Variants in AFF3 observed in about 807,000 individuals in gnomAD.
AFF3 encodes the protein ALF transcription elongation factor 3.
In AFF3, 32 loss-of-function variants were observed where a neutral mutation model predicts 129.7. The observed-to-expected ratio is 0.25, with a 90% CI of 0.19 to 0.33. AFF3 has a LOEUF of 0.33. Among genes scored for constraint, AFF3 ranks in the 10% least tolerant of loss-of-function variants. The pLI, the probability that AFF3 is intolerant of heterozygous loss-of-function variation, is 1.00. For missense variants in AFF3, 1,373 were observed against 1,592.0 expected (o/e 0.86, Z 2.34); for synonymous variants, 644 against 635.4 (o/e 1.01, Z -0.20).
At chr2:99,613,524 CT>C (rs1159821244) in intron 13 of AFF3, among the ~76,000 whole-genome samples, 1 of 151,970 alleles carries the variant, frequency 6.6e-6, no homozygotes, top group Non-Finnish European at 1.5e-5. Flanking sequence ...ATATAATGTT[CT>C]CTTATAATAA....
chr2:99,632,511 C>T (rs544187797), intron 13 of AFF3, among the ~76,000 whole-genome samples: 55 of 152,242 alleles, frequency 3.6e-4, no homozygotes, highest in African/African-American at 1.3e-3. Context: ...CCGTCCAGGG[C>T]ATCACACGGG....
chr2:100,050,699 T>C (rs1686246405), intron 4 of AFF3, among the ~76,000 whole-genome samples: 1 of 152,220 alleles, frequency 6.6e-6, no homozygotes, highest in African/African-American at 2.4e-5. Context: ...TAGGATTTTG[T>C]CTGACCGAGA....
chr2:99,731,178 G>A (rs1679800013), intron 10 of AFF3, among the ~76,000 whole-genome samples: 1 of 152,076 alleles, frequency 6.6e-6, no homozygotes, highest in East Asian at 1.9e-4. Flanking sequence ...GGCTGCTCTC[G>A]AAATCCTGGC....
At chr2:100,028,395 C>G (rs1684222251) in intron 4 of AFF3, among the ~76,000 whole-genome samples, 2 of 152,006 alleles carry the variant, frequency 1.3e-5, no homozygotes, top group South Asian at 4.1e-4. Flanking sequence ...TAGAAGAAAC[C>G]TAACATGTAA....
chr2:99,761,224 CTT>C (rs1045425490), intron 8 of AFF3, among the ~76,000 whole-genome samples: 43 of 149,660 alleles, frequency 2.9e-4, no homozygotes, highest in African/African-American at 1.0e-3. Context: ...TGCCAAGACT[CTT>C]TATATTAAAT....
At chr2:99,874,907 T>C (rs906676772) in intron 7 of AFF3, among the ~76,000 whole-genome samples, 1 of 152,094 alleles carries the variant, frequency 6.6e-6, no homozygotes, top group Non-Finnish European at 1.5e-5. Context: ...AAAAAAACAT[T>C]AGAGTGAGAC....
chr2:99,621,665 T>C (rs1010986952), intron 13 of AFF3, among the ~76,000 whole-genome samples: 34 of 152,208 alleles, frequency 2.2e-4, no homozygotes, highest in African/African-American at 8.0e-4. Flanking sequence ...AAACAGTGTA[T>C]GTCAAGCGCT....
intron 7 of AFF3, among the ~76,000 whole-genome samples, chr2:99,989,362 C>A (rs1021420447): frequency 1.3e-5 from 2 of 152,170 alleles, no homozygotes; most frequent in African/African-American, 4.8e-5. Context: ...CCAGGATACC[C>A]ACATTTCAAC....
chr2:99,828,315 G>A (rs755631148), intron 8 of AFF3, among the ~76,000 whole-genome samples: 3 of 152,186 alleles, frequency 2.0e-5, no homozygotes, highest in Admixed American at 6.5e-5. Flanking sequence ...CTTCAAGGAA[G>A]AGAGCATAGT....
intron 8 of AFF3, among the ~76,000 whole-genome samples, chr2:99,791,362 C>T (rs901897701): frequency 6.6e-6 from 1 of 152,048 alleles, no homozygotes. Flanking sequence ...ATAAATAATC[C>T]CTAGGTTACT....
At chr2:100,011,193 G>C (rs1434858200) in intron 4 of AFF3, among the ~76,000 whole-genome samples, 1 of 152,156 alleles carries the variant, frequency 6.6e-6, no homozygotes, top group African/African-American at 2.4e-5. Context: ...AGAACGGCAC[G>C]AACCCGGGAG....
At chr2:100,106,680 A>G in intron 2 of AFF3, 1 of 986,326 alleles carries the variant, frequency 1.0e-6, no homozygotes, top group Non-Finnish European at 1.2e-6. Flanking sequence ...AAGCTTCTTC[A>G]GAAAGGAGAC....
intron 8 of AFF3, among the ~76,000 whole-genome samples, chr2:99,824,735 T>C (rs1687944764): frequency 6.6e-6 from 1 of 152,186 alleles, no homozygotes; most frequent in Admixed American, 6.5e-5. Flanking sequence ...TACCCTGAGC[T>C]GTCATCAGAA....
At chr2:100,008,166 G>A (rs116409071) in intron 5 of AFF3, among the ~76,000 whole-genome samples, 56 of 152,200 alleles carry the variant, frequency 3.7e-4, no homozygotes, top group African/African-American at 1.1e-3. Flanking sequence ...GATTTGGCTC[G>A]GGATTAGTCT....
chr2:100,006,740 C>T lies in AFF3; in HGVS notation c.765G>A (p.Ser255=), dbSNP rs368840289. 27 of 1,614,072 alleles carry T rather than the reference C, an allele frequency of 1.7e-5. No individual in the cohort carries two copies. Among genetic ancestry groups the T allele is most frequent in the African/African-American group, 2.7e-5 (2 of 74,938 alleles). ...PDESPKLKSS[S]ETSVHCTSYR... is the part of the protein sequence containing the mutation. ...ATGATGTGCAGTGCACGCTGGTTTC[C>T]GAAGACGACTTCAGCTTAGGAGACT... Residue 255 remains serine, a synonymous_variant, in exon 7 of 25, where the codon TCG becomes TCA. Transcript: ENST00000672756.
At chr2:99,693,025 A>G (rs1262528039) in intron 11 of AFF3, among the ~76,000 whole-genome samples, 1 of 152,216 alleles carries the variant, frequency 6.6e-6, no homozygotes, top group Non-Finnish European at 1.5e-5. Context: ...GCAGTCACCA[A>G]TCCATACTCC....
intron 8 of AFF3, among the ~76,000 whole-genome samples, chr2:99,814,866 T>TC (rs1687097876): frequency 6.6e-6 from 1 of 151,548 alleles, no homozygotes; most frequent in Non-Finnish European, 1.5e-5. Context: ...TTTTTTTTTT[T>TC]TGAGATGGAG....
intron 4 of AFF3, among the ~76,000 whole-genome samples, chr2:100,071,461 T>C (rs1467531855): frequency 6.6e-6 from 1 of 152,136 alleles, no homozygotes; most frequent in African/African-American, 2.4e-5. Flanking sequence ...ATGCCATACT[T>C]GACAAACACG....
intron 8 of AFF3, among the ~76,000 whole-genome samples, chr2:99,836,182 G>A (rs1211526415): frequency 1.3e-5 from 2 of 152,126 alleles, no homozygotes; most frequent in African/African-American, 4.8e-5. Context: ...ACCAAAGAGG[G>A]GATTGGTGTG....
Sources: gnomAD v4.1 joint callset for allele counts (sites outside exome capture counted in the v4.1 genomes callset) on GRCh38, gnomAD v4.1.1 for gene constraint, MANE v1.5 for transcripts, NCBI Gene and HGNC (gene_info 2026-07-23, HGNC 2026-07-21) for gene names.